ZNF577: variants seen among roughly 807,000 people sequenced by gnomAD.
ZNF577 encodes zinc finger protein 577.
ZNF577 carries 14 observed loss-of-function variants against 13.9 expected under a neutral mutation model. That is an observed-to-expected ratio of 1.00 (90% CI 0.66 to 1.57). ZNF577 has a LOEUF of 1.57. Ranked by LOEUF, ZNF577 falls within the 40% of genes most tolerant of loss-of-function variation. The probability of loss-of-function intolerance (pLI) is 0.00; values close to 1 mark genes in which losing one functional copy is unlikely to be tolerated. For synonymous variants in ZNF577, 203 were observed against 202.9 expected (o/e 1.00, Z 0.00); for missense variants, 555 against 579.2 (o/e 0.96, Z 0.43).
intron 9 of ZNF577, among the ~76,000 whole-genome samples, chr19:51,823,026 CT>C (rs936883613): frequency 6.6e-5 from 10 of 152,056 alleles, no homozygotes; most frequent in Non-Finnish European, 1.3e-4. Flanking sequence ...CCACACCTGG[CT>C]AATTTTTGCA....
chr19:51,815,469 A>G (rs1247604395), intron 9 of ZNF577, among the ~76,000 whole-genome samples: 1 of 151,874 alleles, frequency 6.6e-6, no homozygotes, highest in Non-Finnish European at 1.5e-5. Context: ...CTGAGGCAGG[A>G]GAATTGCTTG....
chr19:51,878,441 C>T lies in ZNF577; in HGVS notation c.135G>A (p.Lys45=), dbSNP rs200409639. Residue 45 remains lysine (K), a synonymous_variant, in exon 4 of 6, where the codon AAG becomes AAA. Transcript: ENST00000638348. ...CCAACATTACTTCCTTGTACAAGACCTTCTGAGACTGGTCCAAAAACTGCC... is the reference window on the plus strand; with the variant it reads ...CCAACATTACTTCCTTGTACAAGACTTTCTGAGACTGGTCCAAAAACTGCC... ...EEWQFLDQSQ[K]VLYKEVMLEN... 3.9e-5 allele frequency: 63 copies of T among 1,612,494 alleles called. No homozygotes were observed. Among genetic ancestry groups the T allele is most frequent in the Middle Eastern group, 3.3e-4 (2 of 6,084 alleles).
chr19:51,863,201 G>A (rs1159901668), downstream of ZNF577: 1 of 152,152 alleles, frequency 6.6e-6, no homozygotes, highest in Non-Finnish European at 1.5e-5. Context: ...ATGGTCATGA[G>A]TAGTTTACAA....
At chr19:51,857,361 G>GTAAGGAAAGAAA (rs2084436790) in intron 5 of ZNF577, among the ~76,000 whole-genome samples, 2 of 69,110 alleles carry the variant, frequency 2.9e-5, no homozygotes, top group Non-Finnish European at 5.8e-5. Context: ...AAAGAAAGAA[G>GTAAGGAAAGAAA]GAAGGAAAGA....
In ZNF577 at chr19:51,808,301, C is replaced by G. The variant is rs188368173; in HGVS notation, c.*818-3047G>C. 6.6e-5 allele frequency among the ~76,000 whole-genome samples: 10 copies of G among 152,336 alleles called. No homozygotes were observed. The East Asian group carries it at 1.7e-3, about 26-fold the overall frequency. ...CTACTTTCTGAGTCCATACACTTCT[C>G]TCTGTAACAATAGTTCCTAAGTATT... is the stretch of plus-strand genomic sequence containing the variant. On this transcript the variant is annotated intron_variant and NMD_transcript_variant, in intron 10 of 10. Coordinates refer to the ZNF577 transcript ENST00000638827.
At chr19:51,840,831 C>A (rs2084316271) in intron 8 of ZNF577, 1 of 152,004 alleles carries the variant, frequency 6.6e-6, no homozygotes, top group Admixed American at 6.6e-5. Flanking sequence ...GTTTATCACT[C>A]CCACTGGTTA....
At chr19:51,865,300 T>C (rs565678758), downstream of ZNF577, among the ~76,000 whole-genome samples, 33 of 152,316 alleles carry the variant, frequency 2.2e-4, no homozygotes, top group Non-Finnish European at 1.5e-5. Flanking sequence ...TTTCGCCATG[T>C]TGGCCAGGCT....
chr19:51,804,793 A>G (rs2084046842), downstream of ZNF577: 1 of 152,254 alleles, frequency 6.6e-6, no homozygotes, highest in African/African-American at 2.4e-5. Context: ...CAGGAATAAA[A>G]GACAAGAGAC....
rs1181925128 is a variant in ZNF577, at chr19:51,873,597, T to C, written c.393A>G (p.Lys131=). Residue 131 remains lysine, a synonymous_variant, in exon 6 of 6, where the codon AAA becomes AAG. Coordinates refer to ENST00000638348, the MANE Select transcript of ZNF577 (RefSeq NM_001370449.1). ...IKRDKTLTGV[K]YHRCVKPSSP... ...TGCTGGGTTTAACACATCTATGGTA[T>C]TTAACTCCAGTAAGAGTTTTGTCAC... 6.2e-6 allele frequency: 10 copies of C among 1,614,112 alleles called. No homozygotes were observed. The highest frequency in any genetic ancestry group is 8.5e-6 in the Non-Finnish European group (10 of 1,180,054).
Position 51,880,416 on chromosome 19 carries a change from G to A in ZNF577, c.-19-15C>T. ...TGTTATTTCAGCTGCCAAAAAAAAG[G>A]AGACACAGTTTAAAGCAGAGAAAAC... On this transcript the variant is annotated splice_polypyrimidine_tract_variant and intron_variant, in intron 2 of 5. Transcript: ENST00000638348. The A allele has an allele frequency of 6.2e-7, 1 of 1,612,872 alleles. No homozygotes were observed. Among genetic ancestry groups the A allele is most frequent in the Non-Finnish European group, 8.5e-7 (1 of 1,179,190 alleles).
In ZNF577 at chr19:51,824,575, A is replaced by G. The variant is rs776077836; in HGVS notation, c.*600-12901T>C. On this transcript the variant is annotated intron_variant and NMD_transcript_variant, in intron 9 of 10. Transcript: ENST00000638827. This position sits in a 1 kb window ranked among gnomAD's most constrained non-coding sequence, Gnocchi z 4.7. ...CTCAAAGAGATGTTGTTAAATGGCA[A>G]ATACAAAATCATTCTTGTCCTGATT... 5.6e-6 allele frequency: 9 copies of G among 1,614,178 alleles called. No individual in the cohort carries two copies. The South Asian group carries it at 7.7e-5, about 14-fold the overall frequency.
At chr19:51,876,022 T>G (rs1372485408) in intron 5 of ZNF577, among the ~76,000 whole-genome samples, 1 of 152,088 alleles carries the variant, frequency 6.6e-6, no homozygotes, top group Non-Finnish European at 1.5e-5. Flanking sequence ...CTAAATATAA[T>G]GCACAGGGAG....
At chr19:51,881,589 G>A (rs2084862978) in intron 1 of ZNF577, among the ~76,000 whole-genome samples, 1 of 152,028 alleles carries the variant, frequency 6.6e-6, no homozygotes, top group Non-Finnish European at 1.5e-5. Context: ...CTACATCTGG[G>A]GTCTCTCCCT....
chr19:51,829,366 C>T (rs560649617), intron 9 of ZNF577, among the ~76,000 whole-genome samples: 1 of 151,762 alleles, frequency 6.6e-6, no homozygotes. Flanking sequence ...TCACCCCCCA[C>T]CCCCCAAGAC....
chr19:51,805,957 T>C (rs573310622), intron 10 of ZNF577, among the ~76,000 whole-genome samples: 1 of 152,272 alleles, frequency 6.6e-6, no homozygotes, highest in South Asian at 2.1e-4. Context: ...AAAGTCGAGA[T>C]ATTATGTGTT....
exon 11 of ZNF577, chr19:51,805,016 G>A (rs2084048911): frequency 6.6e-6 from 1 of 152,212 alleles, no homozygotes; most frequent in Non-Finnish European, 1.5e-5. Context: ...GCGTCAGGAA[G>A]CGATTGCCCT....
downstream of ZNF577, among the ~76,000 whole-genome samples, chr19:51,865,157 C>T (rs1350419599): frequency 3.3e-5 from 5 of 152,198 alleles, no homozygotes; most frequent in East Asian, 1.9e-4. Context: ...AGTGCAATGG[C>T]GCAATCTCAG....
At chr19:51,857,436 A>G (rs1339180412) in intron 5 of ZNF577, among the ~76,000 whole-genome samples, 1 of 151,542 alleles carries the variant, frequency 6.6e-6, no homozygotes, top group Non-Finnish European at 1.5e-5. Flanking sequence ...GAAAAGAAAA[A>G]ACAAAGAAAG....
chr19:51,855,367 C>CTCTGTG (rs1415147303), intron 5 of ZNF577, among the ~76,000 whole-genome samples: 1 of 143,460 alleles, frequency 7.0e-6, no homozygotes, highest in Non-Finnish European at 1.5e-5. Context: ...GCTGAGGGTG[C>CTCTGTG]TGTGTGTGTG....
Sources: allele counts gnomAD v4.1 joint callset (sites outside exome capture counted in the v4.1 genomes callset), GRCh38; gene constraint gnomAD v4.1.1; non-coding constraint Gnocchi (gnomAD v3.1); transcripts MANE v1.5; gene names NCBI Gene and HGNC (gene_info 2026-07-23, HGNC 2026-07-21).